ZSCAN20: variants seen among roughly 807,000 people sequenced by gnomAD.
ZSCAN20 encodes zinc finger and SCAN domain containing 20, also known as zinc finger and SCAN domain-containing protein 20.
Under a neutral mutation model 97.1 loss-of-function variants are expected in ZSCAN20, and 39 were observed. The ratio of observed to expected loss-of-function variants is 0.40; its 90% CI spans 0.31 to 0.52. ZSCAN20 has a LOEUF of 0.52. ZSCAN20 is among the 20% of genes least tolerant of loss of function. ZSCAN20 has a pLI of 0.49. For missense variants in ZSCAN20, 1,115 were observed against 1,290.4 expected (o/e 0.86, Z 2.08); for synonymous variants, 456 against 467.3 (o/e 0.98, Z 0.31).
rs776660724 is a variant in ZSCAN20, at chr1:33,491,075, G to A, written c.817G>A (p.Glu273Lys). Residue 273 changes from glutamate to lysine, a missense_variant, in exon 6 of 8, where the codon GAG becomes AAG. Glu to Lys is a moderately conservative substitution (Grantham distance 56). Coordinates refer to ENST00000684572, the MANE Select transcript of ZSCAN20 (RefSeq NM_001377376.1). The surrounding 1 kb of genome is among the most constrained non-coding windows in gnomAD (Gnocchi z 4.3). ...SNTSEKEQGP[E>K]FWGLSLINSG... ...TACCTCCGAGAAAGAGCAAGGACCAGAGTTTTGGGGTCTAAGTCTTATAAA... is the reference window on the plus strand; with the variant it reads ...TACCTCCGAGAAAGAGCAAGGACCAAAGTTTTGGGGTCTAAGTCTTATAAA... 6.2e-7 allele frequency: 1 copy of A among 1,612,970 alleles called. No homozygotes were observed. Among genetic ancestry groups the A allele is most frequent in the Non-Finnish European group, 8.5e-7 (1 of 1,179,730 alleles).
chr1:33,488,659 C>T lies in ZSCAN20; in HGVS notation c.604+8C>T. The stretch of plus-strand genomic sequence containing the variant: ...AGCCTTTGAAAGAGAGTGGTGAGTA[C>T]ATCTGAGAACATTAGGGAATGAGGC... On this transcript the variant is annotated splice_region_variant and intron_variant, in intron 3 of 7. Coordinates refer to ENST00000684572, the MANE Select transcript of ZSCAN20 (RefSeq NM_001377376.1). 2 of 1,604,348 alleles carry T rather than the reference C, an allele frequency of 1.2e-6. No individual in the cohort carries two copies. Among genetic ancestry groups the T allele is most frequent in the Non-Finnish European group, 1.7e-6 (2 of 1,177,680 alleles).
intron 1 of ZSCAN20, among the ~76,000 whole-genome samples, chr1:33,475,331 A>G (rs965097863): frequency 1.3e-5 from 2 of 152,238 alleles, no homozygotes; most frequent in African/African-American, 4.8e-5. Context: ...TCTAAGGGTG[A>G]AAATCACTTT....
intron 2 of ZSCAN20, 41 bp downstream of exon 2, chr1:33,479,746 C>T: frequency 6.8e-7 from 1 of 1,460,930 alleles, no homozygotes. Flanking sequence ...GTGGGTCAGG[C>T]AAGGCAGCAG....
rs368591494 is a variant in ZSCAN20 at position 33,479,528 on chromosome 1, G to A, written c.240G>A (p.Leu80=). 15 of 1,613,162 alleles carry A rather than the reference G, an allele frequency of 9.3e-6. No homozygotes were observed. Among genetic ancestry groups the A allele is most frequent in the African/African-American group, 2.7e-5 (2 of 74,922 alleles). ...SQLWALCCRW[L]RPEIRLKEQI... is the part of the protein sequence containing the mutation. ...TCTGGGCTCTCTGCTGTCGTTGGCT[G>A]AGGCCGGAGATCCGTCTCAAAGAGC... Residue 80 remains leucine, a synonymous_variant, in exon 2 of 8, where the codon CTG becomes CTA. Transcript: ENST00000684572.
At position 33,493,318 on chromosome 1, in the gene ZSCAN20, G is replaced by C; in HGVS notation, c.1576G>C (p.Ala526Pro). Residue 526 changes from alanine to proline, a missense_variant, in exon 7 of 8, where the codon GCT becomes CCT. This residue lies in a region of ZSCAN20 where 53 missense variants were observed against 94.3 expected (regional missense o/e 0.56). Coordinates refer to ENST00000684572, the MANE Select transcript of ZSCAN20 (RefSeq NM_001377376.1). This position sits in a 1 kb window ranked among gnomAD's most constrained non-coding sequence, Gnocchi z 4.3. ...VYRAIAERLC[A>P]LGFLRTLEQC... ...CCGGGCCATTGCAGAGCGGCTGTGT[G>C]CTCTGGGCTTCCTGCGGACACTGGA... 1 of 1,614,202 alleles carries C rather than the reference G, an allele frequency of 6.2e-7. No homozygotes were observed. Among genetic ancestry groups the C allele is most frequent in the Non-Finnish European group, 8.5e-7 (1 of 1,180,024 alleles).
intron 2 of ZSCAN20, among the ~76,000 whole-genome samples, chr1:33,484,647 T>G (rs1338742596): frequency 6.6e-6 from 1 of 150,518 alleles, no homozygotes; most frequent in African/African-American, 2.4e-5. Context: ...AGCTGGAGTC[T>G]TGTTGGTTCT....
chr1:33,476,718 A>G, intron 1 of ZSCAN20, among the ~76,000 whole-genome samples: 1 of 152,244 alleles, frequency 6.6e-6, no homozygotes, highest in East Asian at 1.9e-4. Context: ...GTTGTGGTTC[A>G]AAAAGAAATT....
rs1159661051 is a variant in ZSCAN20, at chr1:33,479,556, ATCCTGGAGCTGCTCGTGCTGGAGCAGT to A, written c.274_300del (p.Glu92_Leu100del). ...GCCGGAGATCCGTCTCAAAGAGCAG[ATCCTGGAGCTGCTCGTGCTGGAGCAGT>A]TCCTGACTATCTTGCCTAGGGAGGT... On this transcript the variant is annotated inframe_deletion, in exon 2 of 8. Coordinates refer to ENST00000684572, the MANE Select transcript of ZSCAN20 (RefSeq NM_001377376.1). 2.5e-6 allele frequency: 4 copies of A among 1,613,874 alleles called. No individual in the cohort carries two copies. The highest frequency in any genetic ancestry group is 2.2e-5 in the East Asian group (1 of 44,874).
At position 33,497,361 on chromosome 1, in the gene ZSCAN20, A is replaced by G. The variant is rs1652910354; in HGVS notation, c.*1885A>G. On this transcript the variant is annotated 3_prime_UTR_variant, in exon 8 of 8. Coordinates refer to ENST00000684572, the MANE Select transcript of ZSCAN20 (RefSeq NM_001377376.1). ...CAGATGTCAGTAACTGCAGTAATAC[A>G]GTGATATTGTCTAGTAATGTGAGCT... Among the ~76,000 whole-genome samples, 1 of 152,152 alleles carries G rather than the reference A, an allele frequency of 6.6e-6. No individual in the cohort carries two copies. Among genetic ancestry groups the G allele is most frequent in the African/African-American group, 2.4e-5 (1 of 41,424 alleles).
In ZSCAN20 at chr1:33,491,824, C is replaced by T; in HGVS notation, c.1444+122C>T. The T allele has an allele frequency of 1.0e-6, 1 of 1,004,746 alleles. No homozygotes were observed. Among genetic ancestry groups the T allele is most frequent in the Non-Finnish European group, 1.4e-6 (1 of 703,830 alleles). The allele number at this position is 1,004,746 out of a possible 1,614,324, so 62.2% of individuals were successfully genotyped here. ...TTGAAGCCACTAGAGTGAAGAGCTACATTCCTTAGGTCATCCTCAAACTCC... is the reference window on the plus strand; with the variant it reads ...TTGAAGCCACTAGAGTGAAGAGCTATATTCCTTAGGTCATCCTCAAACTCC... On this transcript the variant is annotated intron_variant, in intron 6 of 7. Coordinates refer to ENST00000684572, the MANE Select transcript of ZSCAN20 (RefSeq NM_001377376.1). The surrounding 1 kb of genome is among the most constrained non-coding windows in gnomAD (Gnocchi z 4.3).
intron 2 of ZSCAN20, among the ~76,000 whole-genome samples, chr1:33,482,026 T>G (rs1557437403): frequency 6.6e-6 from 1 of 152,200 alleles, no homozygotes; most frequent in East Asian, 1.9e-4. Flanking sequence ...TTGATGAACC[T>G]ACAGTGATAC....
At chr1:33,492,924 T>C (rs1652683681) in intron 6 of ZSCAN20, among the ~76,000 whole-genome samples, 2 of 152,126 alleles carry the variant, frequency 1.3e-5, no homozygotes, top group Admixed American at 1.3e-4. Context: ...CCTGATATAA[T>C]TGATATAACA....
chr1:33,491,987 A>G lies in ZSCAN20; in HGVS notation c.1444+285A>G, dbSNP rs1263512922. The G allele has an allele frequency of 9.6e-6, 3 of 313,296 alleles. No individual in the cohort carries two copies. Among genetic ancestry groups the G allele is most frequent in the Non-Finnish European group, 1.7e-5 (3 of 171,526 alleles). 19.4% of individuals were successfully genotyped at this position (313,296 alleles called of 1,614,324 possible). A position where few individuals can be genotyped will look rare whatever the true frequency, so the allele number is the denominator to read the frequency against. On this transcript the variant is annotated intron_variant, in intron 6 of 7. Coordinates refer to ENST00000684572, the MANE Select transcript of ZSCAN20 (RefSeq NM_001377376.1). This position sits in a 1 kb window ranked among gnomAD's most constrained non-coding sequence, Gnocchi z 4.3. ...GTGTCACTGGTAGTATGGGATGATC[A>G]TCGACGTTACATGAATGAACTTTAA... is the stretch of plus-strand genomic sequence containing the variant.
In ZSCAN20 at chr1:33,491,248, G is replaced by A. The variant is rs1341382921; in HGVS notation, c.990G>A (p.Glu330=). ...KVSGVHWGYE[E]TKTFLAILSE... ...CAGGTGTTCACTGGGGCTATGAGGA[G>A]ACCAAGACTTTCCTGGCAATTTTGA... Residue 330 remains glutamate (E), a synonymous_variant, in exon 6 of 8, where the codon GAG becomes GAA. Coordinates refer to ENST00000684572, the MANE Select transcript of ZSCAN20 (RefSeq NM_001377376.1). This position sits in a 1 kb window ranked among gnomAD's most constrained non-coding sequence, Gnocchi z 4.3. The A allele has an allele frequency of 6.2e-7, 1 of 1,614,162 alleles. No individual in the cohort carries two copies. The highest frequency in any genetic ancestry group is 1.1e-5 in the South Asian group (1 of 91,070).
chr1:33,489,385 C>A, intron 4 of ZSCAN20, 133 bp from the exon 5 acceptor site: 1 of 1,053,028 alleles, frequency 9.5e-7, no homozygotes, highest in Non-Finnish European at 1.4e-6. Context: ...AATGGCCATC[C>A]TGCTCCTTAT....
chr1:33,494,961 A>G lies in ZSCAN20; in HGVS notation c.2617A>G (p.Lys873Glu). Residue 873 changes from lysine (K) to glutamate (E), a missense_variant, in exon 8 of 8, where the codon AAA (lysine) becomes GAA (glutamate). This residue lies in a region of ZSCAN20 where 554 missense variants were observed against 584.9 expected (regional missense o/e 0.95). Transcript: ENST00000684572. ...PGPHSTNSGE[K>E]LYECSECGRS... ...ACCACACAGCACAAACTCAGGGGAG[A>G]AACTTTATGAGTGTTCTGAATGTGG... 1 of 1,614,178 alleles carries G rather than the reference A, an allele frequency of 6.2e-7. No homozygotes were observed. Among genetic ancestry groups the G allele is most frequent in the Non-Finnish European group, 8.5e-7 (1 of 1,180,026 alleles).
rs1652928718 is a variant in ZSCAN20 at position 33,497,830 on chromosome 1, A to G, written c.*2354A>G. On this transcript the variant is annotated 3_prime_UTR_variant, in exon 8 of 8. Coordinates refer to ENST00000684572, the MANE Select transcript of ZSCAN20 (RefSeq NM_001377376.1). The stretch of plus-strand genomic sequence containing the variant: ...GTCCTCATTCAGAATTGGGAGCACA[A>G]GGAGGAGAGGCTGATAGAGCAGGAG... Among the ~76,000 whole-genome samples, 1 of 152,206 alleles carries G rather than the reference A, an allele frequency of 6.6e-6. No individual in the cohort carries two copies. Among genetic ancestry groups the G allele is most frequent in the African/African-American group, 2.4e-5 (1 of 41,538 alleles).
At chr1:33,489,493 G>C (rs1466171954) in intron 4 of ZSCAN20, 25 bp from the exon 5 acceptor site, 3 of 1,612,732 alleles carry the variant, frequency 1.9e-6, no homozygotes, top group Non-Finnish European at 2.5e-6. Flanking sequence ...TGATGTTTGG[G>C]GTCCTTGTCT....
rs2148480663 is a variant in ZSCAN20, at chr1:33,494,894, T to C, written c.2550T>C (p.Pro850=). The change falls in exon 8 of 8, where the codon CCT becomes CCC. Residue 850 remains proline, a synonymous_variant. Transcript: ENST00000684572. The stretch of plus-strand genomic sequence containing the variant: ...GGAATTCTACAGAAGAGACAGCTCC[T>C]GAACAACCTCAAAGTATCAGTAAGG... ...HWRNSTEETA[P]EQPQSISKDL... is the part of the protein sequence containing the mutation. 2.5e-6 allele frequency: 4 copies of C among 1,614,238 alleles called. No individual in the cohort carries two copies. The highest frequency in any genetic ancestry group is 3.4e-6 in the Non-Finnish European group (4 of 1,180,044).
Sources: gnomAD v4.1 joint callset for allele counts (sites outside exome capture counted in the v4.1 genomes callset) on GRCh38, gnomAD v4.1.1 for gene constraint, gnomAD v4.1.1 regional missense constraint, Gnocchi (gnomAD v3.1) non-coding constraint, MANE v1.5 for transcripts, NCBI Gene and HGNC (gene_info 2026-07-23, HGNC 2026-07-21) for gene names.